CPXM2: variants seen among roughly 807,000 people sequenced by gnomAD.
CPXM2 encodes inactive carboxypeptidase-like protein X2.
Under a neutral mutation model 86.1 loss-of-function variants are expected in CPXM2, and 66 were observed. The ratio of observed to expected loss-of-function variants is 0.77; its 90% confidence interval spans 0.63 to 0.94. CPXM2 has a LOEUF of 0.94. Ranked by LOEUF, CPXM2 falls within the 40% of genes least tolerant of loss-of-function variation. The pLI is 0.00. For synonymous variants in CPXM2, 388 were observed against 400.2 expected (o/e 0.97, Z 0.36); for missense variants, 948 against 1,026.3 (o/e 0.92, Z 1.04).
At chr10:123,879,189 T>C (rs1247837675) in intron 2 of CPXM2, among the ~76,000 whole-genome samples, 1 of 152,192 alleles carries the variant, frequency 6.6e-6, no homozygotes, top group Non-Finnish European at 1.5e-5. Context: ...GGCGAGTTCT[T>C]GGTTAGAAAC....
intron 2 of CPXM2, among the ~76,000 whole-genome samples, chr10:123,869,240 C>T (rs982191782): frequency 6.6e-6 from 1 of 152,124 alleles, no homozygotes; most frequent in Non-Finnish European, 1.5e-5. Flanking sequence ...CAGTGTTCTG[C>T]GGGGGTTCCC....
intron 2 of CPXM2, among the ~76,000 whole-genome samples, chr10:123,912,406 G>A (rs73368740): frequency 0.063 from 9,598 of 151,918 alleles, 1,007 homozygotes; most frequent in African/African-American, 0.21. Flanking sequence ...TGTTGCACTG[G>A]CATTTCTCTC....
chr10:123,772,612 G>A (rs1425794216), intron 7 of CPXM2, among the ~76,000 whole-genome samples: 1 of 151,784 alleles, frequency 6.6e-6, no homozygotes, highest in Non-Finnish European at 1.5e-5. Flanking sequence ...TCACTCCCCT[G>A]GTCATGGTTA....
chr10:123,772,995 G>T (rs1037907410), intron 7 of CPXM2, among the ~76,000 whole-genome samples: 6 of 150,774 alleles, frequency 4.0e-5, no homozygotes, highest in Admixed American at 2.0e-4. Flanking sequence ...CCCTTGTTGT[G>T]GTTCTCACCT....
At chr10:123,871,263 G>A (rs575162666) in intron 2 of CPXM2, among the ~76,000 whole-genome samples, 7 of 152,306 alleles carry the variant, frequency 4.6e-5, no homozygotes, top group African/African-American at 1.4e-4. Flanking sequence ...CTGTCTCCCT[G>A]AACAGGCTGT....
intron 4 of CPXM2, among the ~76,000 whole-genome samples, chr10:123,841,004 G>A (rs1299787138): frequency 6.6e-6 from 1 of 152,232 alleles, no homozygotes; most frequent in East Asian, 1.9e-4. Flanking sequence ...AGCTTTGAGA[G>A]TGCAGTATAG....
chr10:123,880,150 A>G, intron 2 of CPXM2, 61 bp downstream of exon 2: 1 of 223,804 alleles, frequency 4.5e-6, no homozygotes, highest in Non-Finnish European at 8.9e-6. Context: ...GCCTGTACCC[A>G]CCCACCCTCC....
intron 2 of CPXM2, among the ~76,000 whole-genome samples, chr10:123,921,289 T>TA (rs200056233): frequency 1.1e-3 from 157 of 141,778 alleles, no homozygotes; most frequent in Admixed American, 1.5e-3. Flanking sequence ...AATTTTTTTT[T>TA]AAAAAAAGCA....
chr10:123,924,849 G>T (rs80153036), intron 2 of CPXM2, among the ~76,000 whole-genome samples: 35 of 152,018 alleles, frequency 2.3e-4, no homozygotes, highest in Non-Finnish European at 4.9e-4. Flanking sequence ...ATAGGATTTA[G>T]GAGCTCTGTG....
chr10:123,878,315 T>C (rs1258356267), intron 2 of CPXM2, among the ~76,000 whole-genome samples: 2 of 144,956 alleles, frequency 1.4e-5, no homozygotes, highest in African/African-American at 5.0e-5. Context: ...TTTTTTTTTT[T>C]TTTTTTTTTA....
At chr10:123,929,389 T>C (rs926153636) in intron 2 of CPXM2, among the ~76,000 whole-genome samples, 5 of 152,214 alleles carry the variant, frequency 3.3e-5, no homozygotes, top group Admixed American at 6.5e-5. Context: ...GGCTTCCTGG[T>C]CAGCACCACT....
At chr10:123,851,283 A>G (rs1391179600) in intron 3 of CPXM2, among the ~76,000 whole-genome samples, 3 of 152,136 alleles carry the variant, frequency 2.0e-5, no homozygotes, top group African/African-American at 2.4e-5. Flanking sequence ...CCTTTGTCCA[A>G]TAAACTCTCA....
chr10:123,925,820 G>T (rs905420964), intron 2 of CPXM2, among the ~76,000 whole-genome samples: 9 of 152,076 alleles, frequency 5.9e-5, no homozygotes, highest in Admixed American at 3.9e-4. Flanking sequence ...CTCTGTTCTA[G>T]AAACAACAGA....
intron 3 of CPXM2, 90 bp from the exon 4 acceptor site, chr10:123,842,578 G>A (rs1333521795): frequency 4.7e-6 from 6 of 1,280,410 alleles, no homozygotes. Flanking sequence ...AGGAAGGGAG[G>A]GAGGATAGGA....
intron 2 of CPXM2, among the ~76,000 whole-genome samples, chr10:123,937,469 CAACACA>C (rs1945732257): frequency 3.9e-5 from 3 of 77,360 alleles, no homozygotes. Context: ...GACAACAAAA[CAACACA>C]CACACACACA....
intron 2 of CPXM2, among the ~76,000 whole-genome samples, chr10:123,901,873 T>A (rs566761052): frequency 6.6e-6 from 1 of 152,274 alleles, no homozygotes; most frequent in East Asian, 1.9e-4. Context: ...TCAGTTATAT[T>A]GACCAATCAG....
At chr10:123,872,405 G>A (rs1233581665) in intron 2 of CPXM2, among the ~76,000 whole-genome samples, 5 of 152,082 alleles carry the variant, frequency 3.3e-5, no homozygotes, top group Non-Finnish European at 7.4e-5. Flanking sequence ...ACATCATATT[G>A]AGCAAAAGAA....
chr10:123,781,910 CT>C (rs1846943689), intron 6 of CPXM2, among the ~76,000 whole-genome samples: 1 of 152,218 alleles, frequency 6.6e-6, no homozygotes, highest in Non-Finnish European at 1.5e-5. Context: ...TCGAGGTTCA[CT>C]TAAAGACTGG....
At chr10:123,796,829 T>C (rs966116903) in intron 6 of CPXM2, among the ~76,000 whole-genome samples, 2 of 152,184 alleles carry the variant, frequency 1.3e-5, no homozygotes, top group African/African-American at 4.8e-5. Context: ...GTTTGGGGGA[T>C]GAGTGACGAC....
Sources: gnomAD v4.1 joint callset for allele counts (sites outside exome capture counted in the v4.1 genomes callset) on GRCh38, gnomAD v4.1.1 for gene constraint, MANE v1.5 for transcripts, NCBI Gene and HGNC (gene_info 2026-07-23, HGNC 2026-07-21) for gene names.